Variants in PAX6 observed in about 807,000 individuals in gnomAD.
The protein encoded by PAX6 is paired box 6, also known as paired box protein Pax-6.
Under a neutral mutation model 60.7 loss-of-function variants are expected in PAX6, and 7 were observed. The ratio of observed to expected loss-of-function variants is 0.12; its 90% CI spans 0.07 to 0.22. PAX6 has a LOEUF of 0.22. Among genes scored for constraint, PAX6 ranks in the 10% least tolerant of loss-of-function variants. The pLI is 1.00. For missense variants in PAX6, 355 were observed against 555.2 expected, an observed-to-expected ratio of 0.64 and a Z score of 3.62; for synonymous variants, 208 against 201.2, an observed-to-expected ratio of 1.03 and a Z score of -0.29.
upstream of PAX6, chr11:31,815,004 C>A (rs1401829154): frequency 6.6e-6 from 1 of 150,928 alleles, no homozygotes; most frequent in Non-Finnish European, 1.5e-5. Flanking sequence ...CTCTCTCTCT[C>A]TCTCTCTCTC....
In PAX6 at chr11:31,789,606, A is replaced by T. The variant is rs1949104984; in HGVS notation, c.*328T>A. The T allele has an allele frequency of 3.1e-6, 2 of 649,976 alleles. No homozygotes were observed. The highest frequency in any genetic ancestry group is 2.6e-5 in the Admixed American group (1 of 38,476). 40.3% of individuals were successfully genotyped at this position (649,976 alleles called of 1,614,324 possible). A position where few individuals can be genotyped will look rare whatever the true frequency, so the allele number is the denominator to read the frequency against. On this transcript the variant is annotated 3_prime_UTR_variant, in exon 14 of 14. Transcript: ENST00000640368. ...AAAAAAAAAAACAACTTCATGACCA[A>T]CACAGATCAAACATCCATCCAGTCT... is the stretch of plus-strand genomic sequence containing the variant.
At chr11:31,808,643 T>C (rs531592693) in intron 2 of PAX6, 1 of 152,362 alleles carries the variant, frequency 6.6e-6, no homozygotes, top group African/African-American at 2.4e-5. Context: ...TGATACCATT[T>C]TTTTTTAAAT....
intron 4 of PAX6, 62 bp from the exon 5 acceptor site, chr11:31,802,896 G>C: frequency 6.7e-7 from 1 of 1,499,204 alleles, no homozygotes; most frequent in Non-Finnish European, 9.2e-7. Flanking sequence ...TGAAGAGGAA[G>C]AAGAGGGAGA....
In PAX6 at chr11:31,802,731, C is replaced by G; in HGVS notation, c.114G>C (p.Arg38=). The G allele has an allele frequency of 6.2e-7, 1 of 1,613,706 alleles. No homozygotes were observed. Among genetic ancestry groups the G allele is most frequent in the East Asian group, 2.2e-5 (1 of 44,868 alleles). The change falls in exon 5 of 14, where the codon CGG becomes CGC. Residue 38 remains arginine, a synonymous_variant. Transcript: ENST00000640368. ...GCAGAATTCGGGAAATGTCGCACGGCCGGGCCCCGCTGTGAGCTAGCTCTA... is the reference window on the plus strand; with the variant it reads ...GCAGAATTCGGGAAATGTCGCACGGGCGGGCCCCGCTGTGAGCTAGCTCTA... ...KIVELAHSGA[R]PCDISRILQT... is the part of the protein sequence containing the mutation.
chr11:31,798,204 G>T (rs953401686), intron 8 of PAX6, among the ~76,000 whole-genome samples: 1 of 151,556 alleles, frequency 6.6e-6, no homozygotes, highest in African/African-American at 2.4e-5. Flanking sequence ...ATTATGGGGG[G>T]TGGGGGTGGG....
intron 8 of PAX6, among the ~76,000 whole-genome samples, chr11:31,797,785 C>T (rs1952095857): frequency 6.6e-6 from 1 of 152,180 alleles, no homozygotes; most frequent in African/African-American, 2.4e-5. Flanking sequence ...CCCCCACCCC[C>T]ACGATAAACC....
chr11:31,803,886 C>T (rs193265309), intron 4 of PAX6: 2 of 152,392 alleles, frequency 1.3e-5, no homozygotes, highest in Admixed American at 6.5e-5. Context: ...TTTGTAGTCC[C>T]CCTCCCCAAA....
Position 31,811,006 on chromosome 11 carries a change from T to C in PAX6, c.-307A>G. ...TGCTGGGTTGGTGTGTGAGAGCAAT[T>C]CTCAGATTCCTGGGAAGGAGACAGA... On this transcript the variant is annotated 5_prime_UTR_variant, in exon 2 of 14. Transcript: ENST00000640368. 1 of 399,286 alleles carries C rather than the reference T, an allele frequency of 2.5e-6. No individual in the cohort carries two copies. Among genetic ancestry groups the C allele is most frequent in the Non-Finnish European group, 4.4e-6 (1 of 226,152 alleles). 24.7% of individuals were successfully genotyped at this position (399,286 alleles called of 1,614,324 possible).
intron 2 of PAX6, chr11:31,809,284 A>G (rs1466953232): frequency 8.5e-5 from 13 of 152,194 alleles, no homozygotes; most frequent in Non-Finnish European, 1.8e-4. Flanking sequence ...AACAACTATT[A>G]TTTCTCTTCA....
chr11:31,811,266 G>A lies in PAX6; in HGVS notation c.-468C>T. 1 of 399,124 alleles carries A rather than the reference G, an allele frequency of 2.5e-6. No individual in the cohort carries two copies. Among genetic ancestry groups the A allele is most frequent in the Non-Finnish European group, 4.4e-6 (1 of 226,164 alleles). 24.7% of individuals were successfully genotyped at this position (399,124 alleles called of 1,614,324 possible). On this transcript the variant is annotated 5_prime_UTR_variant, in exon 1 of 14. Transcript: ENST00000640368. The stretch of plus-strand genomic sequence containing the variant: ...TCCTCCTGCGCCTGAACCAGAGCGG[G>A]AAATGAGGCCGAGCCACGGTTCCCT...
intron 3 of PAX6, 41 bp downstream of exon 3, chr11:31,806,807 GT>G (rs1955927627): frequency 5.1e-6 from 1 of 196,742 alleles, no homozygotes; most frequent in African/African-American, 2.3e-5. Flanking sequence ...TGTTTTGACT[GT>G]TTGTGGGTTT....
intron 13 of PAX6, 101 bp from the exon 14 acceptor site, chr11:31,790,120 A>AAAAAAAAAAC: frequency 1.3e-6 from 1 of 759,764 alleles, no homozygotes; most frequent in Non-Finnish European, 2.1e-6. Flanking sequence ...AAAAAAAAAA[A>AAAAAAAAAAC]CTAATACTTT....
At chr11:31,792,106 G>A (rs944418150) in intron 12 of PAX6, 3 of 152,148 alleles carry the variant, frequency 2.0e-5, no homozygotes, top group African/African-American at 7.2e-5. Context: ...GAAACTGAAC[G>A]AGACACTCTG....
chr11:31,791,169 C>A, intron 12 of PAX6: 1 of 442,194 alleles, frequency 2.3e-6, no homozygotes, highest in Non-Finnish European at 4.2e-6. Flanking sequence ...CTGCTAGCAT[C>A]TTTGAAGAAC....
chr11:31,809,973 G>C (rs576367358), intron 2 of PAX6: 2 of 152,462 alleles, frequency 1.3e-5, no homozygotes, highest in South Asian at 4.1e-4. Flanking sequence ...TGAGAGTCGG[G>C]GGAAGCCTGG....
intron 8 of PAX6, among the ~76,000 whole-genome samples, chr11:31,798,661 C>A (rs73477670): frequency 0.035 from 5,389 of 152,096 alleles, 319 homozygotes; most frequent in African/African-American, 0.12. Flanking sequence ...ACCTCACTTG[C>A]GGGTGGGGGG....
At chr11:31,793,155 CCCA>C (rs1161172050) in intron 12 of PAX6, 10 of 621,824 alleles carry the variant, frequency 1.6e-5, no homozygotes, top group African/African-American at 3.6e-5. Context: ...CAAAACATGC[CCCA>C]CCACCACCCA....
chr11:31,803,955 C>CTTAGAG (rs1954934529), intron 4 of PAX6: 1 of 152,300 alleles, frequency 6.6e-6, no homozygotes, highest in African/African-American at 2.4e-5. Context: ...CTCCAACCTG[C>CTTAGAG]AGCCCCGACT....
intron 4 of PAX6, chr11:31,806,004 G>T: frequency 4.5e-6 from 1 of 223,986 alleles, no homozygotes; most frequent in Non-Finnish European, 8.6e-6. Context: ...TCTTGGCTAA[G>T]CCCAAAGGGG....
Sources: allele counts gnomAD v4.1 joint callset (sites outside exome capture counted in the v4.1 genomes callset), GRCh38; gene constraint gnomAD v4.1.1; transcripts MANE v1.5; gene names NCBI Gene and HGNC (gene_info 2026-07-23, HGNC 2026-07-21).